The following CD59 variants were observed in gnomAD, a reference collection of about 807,000 sequenced individuals.
CD59 encodes the protein CD59 molecule (CD59 blood group).
CD59 carries 3 observed loss-of-function variants against 7.0 expected under a neutral mutation model. That is an observed-to-expected ratio of 0.43 (90% CI 0.19 to 1.10). The LOEUF is 1.10. CD59 is among the 50% of genes least tolerant of loss of function. The probability of loss-of-function intolerance (pLI) is 0.29; values close to 1 mark genes in which losing one functional copy is unlikely to be tolerated. For synonymous variants in CD59, 60 were observed against 62.0 expected (o/e 0.97, Z 0.15); for missense variants, 143 against 151.0 (o/e 0.95, Z 0.28).
intron 3 of CD59, among the ~76,000 whole-genome samples, chr11:33,715,473 G>C (rs1564971818): frequency 6.6e-6 from 1 of 152,142 alleles, no homozygotes. Context: ...GGTGGCTTAT[G>C]CCTGTAATCC....
rs1305659787 is a variant in CD59 at position 33,708,524 on chromosome 11, C to T, written c.*1602G>A. 8.2e-6 allele frequency: 1 copy of T among 121,906 alleles called. No homozygotes were observed. Among genetic ancestry groups the T allele is most frequent in the Non-Finnish European group, 1.6e-5 (1 of 62,974 alleles). 7.6% of individuals were successfully genotyped at this position (121,906 alleles called of 1,614,324 possible). On this transcript the variant is annotated 3_prime_UTR_variant, in exon 4 of 4. Transcript: ENST00000642928. Reference sequence around the variant, plus strand: ...GCTTAAATTCATCAAAATTGTTTCTCATTCCTTAGAACTCACATGAAATGA... The same window carrying T: ...GCTTAAATTCATCAAAATTGTTTCTTATTCCTTAGAACTCACATGAAATGA...
At chr11:33,726,361 TCA>T (rs1854259972) in intron 1 of CD59, among the ~76,000 whole-genome samples, 1 of 152,134 alleles carries the variant, frequency 6.6e-6, no homozygotes, top group Non-Finnish European at 1.5e-5. Context: ...AAATTAGAAC[TCA>T]GGATTAAGAA....
At chr11:33,728,746 G>A (rs1024371273) in intron 1 of CD59, among the ~76,000 whole-genome samples, 9 of 152,298 alleles carry the variant, frequency 5.9e-5, no homozygotes, top group African/African-American at 2.2e-4. Context: ...CCTAAAGAAT[G>A]GGAGAAAATG....
At chr11:33,717,106 G>A (rs1342018879) in intron 3 of CD59, among the ~76,000 whole-genome samples, 1 of 152,220 alleles carries the variant, frequency 6.6e-6, no homozygotes, top group Non-Finnish European at 1.5e-5. Context: ...TTCAATTCCT[G>A]AGTCGGTTAC....
At chr11:33,722,725 A>T (rs952873157) in intron 1 of CD59, 4 of 1,256,492 alleles carry the variant, frequency 3.2e-6, no homozygotes, top group Non-Finnish European at 4.1e-6. Flanking sequence ...CAGTGAGTCA[A>T]ATGACAATAT....
At chr11:33,731,148 T>C (rs1013149436) in intron 1 of CD59, among the ~76,000 whole-genome samples, 14 of 152,112 alleles carry the variant, frequency 9.2e-5, no homozygotes, top group African/African-American at 3.4e-4. Flanking sequence ...TAATTAAGTT[T>C]TGGGGGAGTC....
chr11:33,711,621 G>A (rs1007749926), intron 3 of CD59: 1 of 543,186 alleles, frequency 1.8e-6, no homozygotes, highest in African/African-American at 2.0e-5. Context: ...AGGCTGCAGT[G>A]AGCTATGATT....
At chr11:33,721,968 C>T (rs917269116) in intron 2 of CD59, among the ~76,000 whole-genome samples, 2 of 151,706 alleles carry the variant, frequency 1.3e-5, no homozygotes, top group South Asian at 4.2e-4. Context: ...TCACTATGAC[C>T]ATCATCATCA....
At chr11:33,710,711 T>TC (rs1197954003) in intron 3 of CD59, among the ~76,000 whole-genome samples, 1 of 148,934 alleles carries the variant, frequency 6.7e-6, no homozygotes, top group African/African-American at 2.6e-5. Flanking sequence ...GGGGATTTTT[T>TC]CCTTTTCTTT....
chr11:33,726,589 T>G (rs1004011315), intron 1 of CD59, among the ~76,000 whole-genome samples: 1 of 152,120 alleles, frequency 6.6e-6, no homozygotes, highest in Non-Finnish European at 1.5e-5. Context: ...AGATCTAAAA[T>G]TGACACCCTA....
chr11:33,715,681 A>G (rs371162922), intron 3 of CD59, among the ~76,000 whole-genome samples: 5 of 152,074 alleles, frequency 3.3e-5, no homozygotes, highest in Non-Finnish European at 7.4e-5. Flanking sequence ...AGAGTTTTGG[A>G]GTTTGGCCAT....
At chr11:33,710,366 G>A in intron 3 of CD59, 23 bp from the exon 4 acceptor site, 1 of 1,563,502 alleles carries the variant, frequency 6.4e-7, no homozygotes, top group Non-Finnish European at 8.8e-7. Context: ...ACACACAAGG[G>A]TAAGAAAGTA....
At chr11:33,712,894 A>G (rs2133531579) in intron 3 of CD59, among the ~76,000 whole-genome samples, 1 of 152,338 alleles carries the variant, frequency 6.6e-6, no homozygotes, top group South Asian at 2.1e-4. Flanking sequence ...CTCTGGAAGG[A>G]TTCCCAAGTA....
intron 3 of CD59, among the ~76,000 whole-genome samples, chr11:33,712,833 C>A (rs1472182184): frequency 1.3e-5 from 2 of 152,006 alleles, no homozygotes; most frequent in Admixed American, 6.6e-5. Context: ...AGAATGTGAC[C>A]CATTTGTGGA....
chr11:33,727,638 T>C (rs1096561), intron 1 of CD59, among the ~76,000 whole-genome samples: 93,238 of 152,074 alleles, frequency 0.61, 28,793 homozygotes, highest in African/African-American at 0.66. Context: ...TCTCTCACCA[T>C]TCCTATTCAA....
At chr11:33,731,806 C>T (rs1854425401) in intron 1 of CD59, among the ~76,000 whole-genome samples, 1 of 149,608 alleles carries the variant, frequency 6.7e-6, no homozygotes, top group Non-Finnish European at 1.5e-5. Flanking sequence ...TTTTAAGGGC[C>T]CATATGATTA....
chr11:33,716,326 T>C lies in CD59; in HGVS notation c.169+1044A>G, dbSNP rs151137760. Among the ~76,000 whole-genome samples, 131 of 152,350 alleles carry C rather than the reference T, an allele frequency of 8.6e-4. 1 individual carries two copies. The highest frequency in any genetic ancestry group is 3.0e-3 in the African/African-American group (124 of 41,592). ...AAGTTAATCATCTTTATCTCAGGTT[T>C]TTCTGAACATGTGGGTGTCCCAAGG... is the stretch of plus-strand genomic sequence containing the variant. On this transcript the variant is annotated intron_variant, in intron 3 of 3. Transcript: ENST00000642928.
intron 2 of CD59, among the ~76,000 whole-genome samples, chr11:33,720,716 G>T (rs1854019497): frequency 6.6e-6 from 1 of 151,898 alleles, no homozygotes; most frequent in Non-Finnish European, 1.5e-5. Flanking sequence ...GCGACAGAGT[G>T]AGACTCCATC....
At chr11:33,735,571 G>A (rs1465902759) in intron 1 of CD59, among the ~76,000 whole-genome samples, 1 of 152,134 alleles carries the variant, frequency 6.6e-6, no homozygotes, top group Non-Finnish European at 1.5e-5. Flanking sequence ...CAGACTCTAA[G>A]AAGGGTGCGG....
Sources: allele counts gnomAD v4.1 joint callset (sites outside exome capture counted in the v4.1 genomes callset), GRCh38; gene constraint gnomAD v4.1.1; transcripts MANE v1.5; gene names NCBI Gene and HGNC (gene_info 2026-07-23, HGNC 2026-07-21).